Variants in DDX10 observed in about 807,000 individuals in gnomAD.
DDX10 encodes DEAD-box helicase 10.
DDX10 carries 74 observed loss-of-function variants against 104.3 expected under a neutral mutation model. The ratio of observed to expected loss-of-function variants is 0.71; its 90% CI spans 0.59 to 0.86. The LOEUF is 0.86. Ranked by LOEUF, DDX10 falls within the 40% of genes least tolerant of loss-of-function variation. The pLI is 0.00. For missense variants in DDX10, 952 were observed against 1,040.0 expected, an observed-to-expected ratio of 0.92 and a Z score of 1.16; for synonymous variants, 351 against 353.4, an observed-to-expected ratio of 0.99 and a Z score of 0.08.
At chr11:108,824,669 A>G (rs1862372422) in intron 13 of DDX10, among the ~76,000 whole-genome samples, 1 of 152,154 alleles carries the variant, frequency 6.6e-6, no homozygotes, top group Non-Finnish European at 1.5e-5. Context: ...GCTTCCTAAT[A>G]TAGAAATATT....
intron 13 of DDX10, among the ~76,000 whole-genome samples, chr11:108,819,621 C>T (rs537981311): frequency 2.2e-4 from 33 of 151,518 alleles, no homozygotes; most frequent in East Asian, 1.2e-3. Flanking sequence ...TTTTTTGAGA[C>T]GGAGTCTTTC....
At chr11:108,809,406 C>T (rs1862146893) in intron 13 of DDX10, among the ~76,000 whole-genome samples, 1 of 152,186 alleles carries the variant, frequency 6.6e-6, no homozygotes, top group Non-Finnish European at 1.5e-5. Flanking sequence ...CGTATCCTTA[C>T]AGTGAAAACA....
At chr11:108,714,370 T>TG (rs34265130) in intron 10 of DDX10, among the ~76,000 whole-genome samples, 18,697 of 152,216 alleles carry the variant, frequency 0.12, 1,565 homozygotes, top group East Asian at 0.27. Flanking sequence ...TTTCCTGTGT[T>TG]GGGACTGTGG....
chr11:108,688,476 C>T (rs1290410022), intron 6 of DDX10, among the ~76,000 whole-genome samples: 1 of 152,164 alleles, frequency 6.6e-6, no homozygotes, highest in Non-Finnish European at 1.5e-5. Flanking sequence ...TACTTCAGCA[C>T]ACGTATTACT....
At chr11:108,789,943 C>T (rs1016758116) in intron 13 of DDX10, among the ~76,000 whole-genome samples, 6 of 152,134 alleles carry the variant, frequency 3.9e-5, no homozygotes, top group Admixed American at 6.6e-5. Flanking sequence ...TAACTCCGAA[C>T]CAATTAAATC....
At chr11:108,687,895 T>C (rs751399058) in intron 6 of DDX10, among the ~76,000 whole-genome samples, 2 of 152,218 alleles carry the variant, frequency 1.3e-5, no homozygotes, top group Non-Finnish European at 2.9e-5. Flanking sequence ...TCTTTCACTG[T>C]AAACACAGAC....
At chr11:108,732,125 T>C (rs2094313068) in intron 13 of DDX10, among the ~76,000 whole-genome samples, 1 of 152,238 alleles carries the variant, frequency 6.6e-6, no homozygotes, top group African/African-American at 2.4e-5. Flanking sequence ...CATTGGATTG[T>C]AGATTTTATG....
At chr11:108,750,839 C>T (rs2094337593) in intron 13 of DDX10, among the ~76,000 whole-genome samples, 1 of 136,694 alleles carries the variant, frequency 7.3e-6, no homozygotes, top group South Asian at 2.4e-4. Flanking sequence ...CTCACTGAAG[C>T]CTCAAACTCC....
chr11:108,807,592 A>T (rs1160316329), intron 13 of DDX10, among the ~76,000 whole-genome samples: 1 of 152,232 alleles, frequency 6.6e-6, no homozygotes, highest in Non-Finnish European at 1.5e-5. Context: ...AAAGTAGCAG[A>T]CTGTGGTGAA....
chr11:108,888,796 A>C (rs1233320419), intron 16 of DDX10, among the ~76,000 whole-genome samples: 1 of 151,658 alleles, frequency 6.6e-6, no homozygotes, highest in Non-Finnish European at 1.5e-5. Context: ...AAAAAAAAAA[A>C]CCACTTTTTT....
chr11:108,693,474 A>G, intron 8 of DDX10, 42 bp from the exon 9 acceptor site: 1 of 1,448,046 alleles, frequency 6.9e-7, no homozygotes, highest in Non-Finnish European at 9.7e-7. Flanking sequence ...AGCAGGGCAG[A>G]TCTTGCAACC....
chr11:108,809,869 A>G (rs1161825910), intron 13 of DDX10, among the ~76,000 whole-genome samples: 1 of 152,222 alleles, frequency 6.6e-6, no homozygotes, highest in Non-Finnish European at 1.5e-5. Flanking sequence ...CATCTTTGGT[A>G]TAGCAGGCAT....
intron 13 of DDX10, among the ~76,000 whole-genome samples, chr11:108,825,397 T>C (rs1017906005): frequency 6.6e-6 from 1 of 152,176 alleles, no homozygotes; most frequent in African/African-American, 2.4e-5. Context: ...TTCTGGAAAG[T>C]GTTCCAAGTT....
chr11:108,884,569 G>A (rs1035036555), intron 16 of DDX10, among the ~76,000 whole-genome samples: 1 of 152,150 alleles, frequency 6.6e-6, no homozygotes, highest in Non-Finnish European at 1.5e-5. Flanking sequence ...CTGTAACTCA[G>A]AAGTCACAGC....
chr11:108,838,307 G>A, intron 13 of DDX10, 139 bp from the exon 14 acceptor site: 1 of 866,434 alleles, frequency 1.2e-6, no homozygotes, highest in South Asian at 2.0e-5. Flanking sequence ...GTTATTCCTG[G>A]ACAGTGTTTT....
intron 10 of DDX10, among the ~76,000 whole-genome samples, chr11:108,714,666 G>A (rs1221863979): frequency 6.6e-6 from 1 of 152,048 alleles, no homozygotes; most frequent in Non-Finnish European, 1.5e-5. Flanking sequence ...TACTTTTGGG[G>A]TTGTCTATCC....
At chr11:108,794,917 T>G (rs988646791) in intron 13 of DDX10, among the ~76,000 whole-genome samples, 3 of 151,206 alleles carry the variant, frequency 2.0e-5, no homozygotes, top group African/African-American at 7.3e-5. Flanking sequence ...AACCTCCGCC[T>G]CCCGGGTTCA....
intron 6 of DDX10, 103 bp downstream of exon 6, chr11:108,679,663 A>T: frequency 1.2e-6 from 1 of 853,740 alleles, no homozygotes; most frequent in Non-Finnish European, 1.7e-6. Context: ...ACATTCTATG[A>T]GTTATTGGTT....
chr11:108,665,188 C>T lies in DDX10; in HGVS notation c.35C>T (p.Ala12Val). 7 of 1,611,704 alleles carry T rather than the reference C, an allele frequency of 4.3e-6. No homozygotes were observed. The highest frequency in any genetic ancestry group is 5.9e-6 in the Non-Finnish European group (7 of 1,179,206). ...ACGGCCAACTCTCCGGGTTCGGGAG[C>T]CCGACCCGACCCGGTGCGGAGCTTC... ...GKTANSPGSG[A>V]RPDPVRSFNR... Residue 12 changes from alanine (A) to valine (V), a missense_variant, in exon 1 of 18, where the codon GCC (alanine) becomes GTC (valine). This residue lies in a region of DDX10 where 412 missense variants were observed against 479.2 expected (regional missense o/e 0.86). Transcript: ENST00000322536.
Sources: allele counts gnomAD v4.1 joint callset (sites outside exome capture counted in the v4.1 genomes callset), GRCh38; gene constraint gnomAD v4.1.1; regional missense constraint gnomAD v4.1.1; transcripts MANE v1.5; gene names NCBI Gene and HGNC (gene_info 2026-07-23, HGNC 2026-07-21).